Variants in TENM3 observed in about 807,000 individuals in gnomAD.
TENM3 encodes the protein teneurin-3.
A neutral mutation model predicts 255.1 loss-of-function variants in TENM3; 63 were observed. The observed-to-expected ratio is 0.25, with a 90% confidence interval of 0.20 to 0.30. The LOEUF (loss-of-function observed/expected upper bound fraction) is 0.30. Ranked by LOEUF, TENM3 falls within the 10% of genes least tolerant of loss-of-function variation. The pLI is 1.00. For missense variants in TENM3, 2,929 were observed against 3,461.1 expected (o/e 0.85, Z 3.86); for synonymous variants, 1,306 against 1,322.3 (o/e 0.99, Z 0.27).
chr4:182,345,708 T>C lies in TENM3; in HGVS notation c.233-943T>C, dbSNP rs578056385. 3.3e-5 allele frequency among the ~76,000 whole-genome samples: 5 copies of C among 152,324 alleles called. No homozygotes were observed. The East Asian group carries it at 9.6e-4, about 29-fold the overall frequency. Reference sequence around the variant, plus strand: ...ATAAATACAGGATTGGAAAAGTCATTAATAACAGCAGTCATTTTAAAGTGT... The same window carrying C: ...ATAAATACAGGATTGGAAAAGTCATCAATAACAGCAGTCATTTTAAAGTGT... On this transcript the variant is annotated intron_variant, in intron 2 of 27. Transcript: ENST00000511685.
chr4:181,849,333 A>C, the TENM3 span, among the ~76,000 whole-genome samples: 1 of 152,206 alleles, frequency 6.6e-6, no homozygotes, highest in African/African-American at 2.4e-5. Context: ...TTGGACTGTT[A>C]ATTTCATTTG....
chr4:182,415,739 A>G (rs1190495752), intron 3 of TENM3, among the ~76,000 whole-genome samples: 1 of 152,212 alleles, frequency 6.6e-6, no homozygotes, highest in Non-Finnish European at 1.5e-5. Context: ...ATACATCAAG[A>G]TGAAATAAAT....
the TENM3 span, among the ~76,000 whole-genome samples, chr4:181,824,409 C>A: frequency 6.6e-6 from 1 of 152,030 alleles, no homozygotes; most frequent in Non-Finnish European, 1.5e-5. Flanking sequence ...CCAACATAAT[C>A]TATTAAGAGT....
the TENM3 span, among the ~76,000 whole-genome samples, chr4:181,698,058 C>CA: frequency 6.6e-6 from 1 of 151,666 alleles, no homozygotes; most frequent in South Asian, 2.1e-4. Flanking sequence ...ACTAAAAATA[C>CA]AAAAAATTAG....
At position 182,800,412 on chromosome 4, in the gene TENM3, C is replaced by A. The variant is rs181544353; in HGVS notation, c.*61C>A. ...GCCCACATTGTCCTGTGGCACAACCCGAGTGGGACTCTCCAACGCCCAAGA... is the reference window on the plus strand; with the variant it reads ...GCCCACATTGTCCTGTGGCACAACCAGAGTGGGACTCTCCAACGCCCAAGA... On this transcript the variant is annotated 3_prime_UTR_variant, in exon 28 of 28. Transcript: ENST00000511685. 3.2e-4 allele frequency: 472 copies of A among 1,480,588 alleles called. 2 individuals are homozygous for A. The African/African-American group carries it at 6.2e-3, about 19-fold the overall frequency. The allele number at this position is 1,480,588 out of a possible 1,614,324, so 91.7% of individuals were successfully genotyped here.
intron 3 of TENM3, among the ~76,000 whole-genome samples, chr4:182,477,472 T>A (rs955390327): frequency 6.6e-6 from 1 of 152,202 alleles, no homozygotes; most frequent in Admixed American, 6.5e-5. Flanking sequence ...CCTAAATTTA[T>A]TTTTTATGGT....
intron 27 of TENM3, among the ~76,000 whole-genome samples, chr4:182,797,773 C>T (rs1381175360): frequency 6.6e-6 from 1 of 152,072 alleles, no homozygotes; most frequent in Non-Finnish European, 1.5e-5. Context: ...GAAGACAGTG[C>T]AGACTTTCTT....
chr4:181,709,100 G>T, the TENM3 span, among the ~76,000 whole-genome samples: 1 of 152,204 alleles, frequency 6.6e-6, no homozygotes, highest in African/African-American at 2.4e-5. Flanking sequence ...ATATAAAACT[G>T]TGCTAACGGA....
At chr4:182,251,076 C>T (rs1757982670) in intron 1 of TENM3, among the ~76,000 whole-genome samples, 1 of 152,220 alleles carries the variant, frequency 6.6e-6, no homozygotes, top group Admixed American at 6.5e-5. Context: ...AAGACATCTT[C>T]ATTTGAAGGG....
the TENM3 span, among the ~76,000 whole-genome samples, chr4:181,821,859 A>G: frequency 6.6e-6 from 1 of 152,220 alleles, no homozygotes; most frequent in East Asian, 1.9e-4. Context: ...TCAGTTAGAC[A>G]GGATTAGTAT....
chr4:181,684,443 C>T, the TENM3 span, among the ~76,000 whole-genome samples: 2 of 152,136 alleles, frequency 1.3e-5, no homozygotes, highest in African/African-American at 4.8e-5. Context: ...ATCCCATTCA[C>T]TTAAATCATC....
At chr4:182,613,757 G>C (rs1370431078) in intron 4 of TENM3, among the ~76,000 whole-genome samples, 1 of 152,128 alleles carries the variant, frequency 6.6e-6, no homozygotes, top group Non-Finnish European at 1.5e-5. Context: ...AAAGGCAAAT[G>C]CCAAAATGTA....
intron 3 of TENM3, among the ~76,000 whole-genome samples, chr4:182,405,465 G>T (rs1240604090): frequency 6.6e-6 from 1 of 152,208 alleles, no homozygotes; most frequent in East Asian, 1.9e-4. Flanking sequence ...GACACTAAAG[G>T]AGATGACAAA....
the TENM3 span, among the ~76,000 whole-genome samples, chr4:181,560,233 G>C: frequency 1.3e-5 from 2 of 152,140 alleles, no homozygotes; most frequent in African/African-American, 2.4e-5. Flanking sequence ...CAGAAGGAGT[G>C]AGGGAGCTCT....
At chr4:182,773,780 T>C in intron 23 of TENM3, 133 bp downstream of exon 23, 1 of 715,236 alleles carries the variant, frequency 1.4e-6, no homozygotes, top group Admixed American at 2.5e-5. Context: ...TGACATAATC[T>C]ACAGTGTACA....
At chr4:182,704,853 C>T (rs1347007210) in intron 12 of TENM3, among the ~76,000 whole-genome samples, 2 of 149,070 alleles carry the variant, frequency 1.3e-5, no homozygotes, top group African/African-American at 2.5e-5. Flanking sequence ...GCTGACACCA[C>T]CTCACTTACT....
At chr4:182,334,728 A>G (rs188203910) in intron 2 of TENM3, among the ~76,000 whole-genome samples, 2 of 152,232 alleles carry the variant, frequency 1.3e-5, no homozygotes, top group Non-Finnish European at 2.9e-5. Flanking sequence ...GTGCTGGCAC[A>G]ACTGGTTATC....
the TENM3 span, among the ~76,000 whole-genome samples, chr4:181,732,094 A>T: frequency 6.6e-6 from 1 of 152,246 alleles, no homozygotes; most frequent in Non-Finnish European, 1.5e-5. Flanking sequence ...TAATTTGCTT[A>T]TGAGGCGATT....
In TENM3 at chr4:182,799,307, G is replaced by C. The variant is rs1766725415; in HGVS notation, c.7345-289G>C. Among the ~76,000 whole-genome samples the C allele has an allele frequency of 6.6e-6, 1 of 152,200 alleles. No homozygotes were observed. On this transcript the variant is annotated intron_variant, in intron 27 of 27. Transcript: ENST00000511685. The surrounding 1 kb of genome is among the most constrained non-coding windows in gnomAD (Gnocchi z 4.2). Reference sequence around the variant, plus strand: ...AGTGGGAAAAGAGCATCTAGAAACTGTAAGAGAAAAGCAAGAAACAGGACT... The same window carrying C: ...AGTGGGAAAAGAGCATCTAGAAACTCTAAGAGAAAAGCAAGAAACAGGACT...
Sources: gnomAD v4.1 joint callset for allele counts (sites outside exome capture counted in the v4.1 genomes callset) on GRCh38, gnomAD v4.1.1 for gene constraint, Gnocchi (gnomAD v3.1) non-coding constraint, MANE v1.5 for transcripts, NCBI Gene and HGNC (gene_info 2026-07-23, HGNC 2026-07-21) for gene names.